CDK15: variants seen among roughly 807,000 people sequenced by gnomAD.
The protein encoded by CDK15 is cyclin dependent kinase 15.
Under a neutral mutation model 60.3 loss-of-function variants are expected in CDK15, and 62 were observed. The observed-to-expected ratio is 1.03, with a 90% CI of 0.84 to 1.27. The LOEUF (loss-of-function observed/expected upper bound fraction) is 1.27, where lower values mean the gene tolerates loss of function less well. Ranked by LOEUF, CDK15 falls within the 50% of genes most tolerant of loss-of-function variation. CDK15 has a pLI of 0.00. For missense variants in CDK15, 541 were observed against 527.8 expected (o/e 1.03, Z -0.25); for synonymous variants, 194 against 195.7 (o/e 0.99, Z 0.07).
At chr2:201,845,262 A>G (rs976815325) in intron 8 of CDK15, among the ~76,000 whole-genome samples, 1 of 152,216 alleles carries the variant, frequency 6.6e-6, no homozygotes, top group Non-Finnish European at 1.5e-5. Flanking sequence ...TCTAAGAACA[A>G]GCCAGTCAGT....
At chr2:201,824,155 T>A (rs1696358337) in intron 6 of CDK15, among the ~76,000 whole-genome samples, 1 of 152,222 alleles carries the variant, frequency 6.6e-6, no homozygotes, top group Non-Finnish European at 1.5e-5. Flanking sequence ...TATGTGGCCC[T>A]AACTCCCATT....
At chr2:201,867,687 TC>T (rs1698688440) in intron 10 of CDK15, among the ~76,000 whole-genome samples, 1 of 151,834 alleles carries the variant, frequency 6.6e-6, no homozygotes, top group Non-Finnish European at 1.5e-5. Flanking sequence ...TCTGGACCCT[TC>T]CCAGGCTAGT....
At chr2:201,834,337 GT>G (rs1283456653) in intron 7 of CDK15, among the ~76,000 whole-genome samples, 3 of 152,086 alleles carry the variant, frequency 2.0e-5, no homozygotes, top group African/African-American at 7.2e-5. Flanking sequence ...TGATAAAGAG[GT>G]TAACCCCAGA....
intron 10 of CDK15, among the ~76,000 whole-genome samples, chr2:201,863,770 C>T (rs1015733742): frequency 3.3e-5 from 5 of 152,128 alleles, no homozygotes; most frequent in Admixed American, 2.6e-4. Flanking sequence ...GTGGCAGGCA[C>T]CTGTAATCCC....
chr2:201,812,191 A>C lies in CDK15; in HGVS notation c.369-292A>C, dbSNP rs574607588. Among the ~76,000 whole-genome samples the C allele has an allele frequency of 1.7e-3, 243 of 146,502 alleles. 1 individual carries two copies. Among genetic ancestry groups the C allele is most frequent in the Non-Finnish European group, 2.7e-3 (179 of 66,736 alleles). On this transcript the variant is annotated intron_variant, in intron 3 of 13. Coordinates refer to ENST00000652192, the MANE Select transcript of CDK15 (RefSeq NM_001366386.2). ...TCTGTCTCAAAAAAAAAAAAAAAAA[A>C]CAAAAAAACAAAAAAACACTACAAT...
rs1491380631 is a variant in CDK15, at chr2:201,894,113, A to ACACC, written c.*847_*848insACCC. Reference sequence around the variant, plus strand: ...CACACACACACACACACACACACACACCCCTCAAGTAAAATGAGAGATCTG... The same window carrying ACACC: ...CACACACACACACACACACACACACACACCCCCCTCAAGTAAAATGAGAGATCTG... On this transcript the variant is annotated 3_prime_UTR_variant, in exon 14 of 14. Transcript: ENST00000652192. 8 of 128,740 alleles carry ACACC rather than the reference A, an allele frequency of 6.2e-5. No homozygotes were observed. Among genetic ancestry groups the ACACC allele is most frequent in the African/African-American group, 2.2e-4 (8 of 35,966 alleles). 8.0% of individuals were successfully genotyped at this position (128,740 alleles called of 1,614,324 possible).
chr2:201,869,500 C>T (rs902754809), intron 10 of CDK15, among the ~76,000 whole-genome samples: 1 of 151,408 alleles, frequency 6.6e-6, no homozygotes, highest in Admixed American at 6.6e-5. Flanking sequence ...GCAGGTTGTG[C>T]ACCTGTACCC....
chr2:201,822,860 TA>T lies in CDK15; in HGVS notation c.502del (p.Ile168SerfsTer7). ...KHANIVLLHD[I>X]IHTKETLTFV... ...GCCAATATTGTGCTCCTGCATGACA[TA>T]ATCCACACCAAAGAGACACTGACAT... On this transcript the variant is annotated frameshift_variant, in exon 5 of 14. Coordinates refer to ENST00000652192, the MANE Select transcript of CDK15 (RefSeq NM_001366386.2). LOFTEE classifies it high-confidence loss of function. The T allele has an allele frequency of 6.2e-7, 1 of 1,613,386 alleles. No individual in the cohort carries two copies. The highest frequency in any genetic ancestry group is 8.5e-7 in the Non-Finnish European group (1 of 1,179,410).
At chr2:201,886,824 G>A (rs576757244) in intron 12 of CDK15, among the ~76,000 whole-genome samples, 12 of 152,136 alleles carry the variant, frequency 7.9e-5, no homozygotes, top group African/African-American at 1.2e-4. Flanking sequence ...ACAAATTACC[G>A]TTAAATTAGT....
intron 12 of CDK15, among the ~76,000 whole-genome samples, chr2:201,887,672 A>G (rs1699502135): frequency 6.6e-6 from 1 of 152,242 alleles, no homozygotes; most frequent in South Asian, 2.1e-4. Context: ...TCCTGGGAGA[A>G]TGAAGGGCAG....
intron 8 of CDK15, among the ~76,000 whole-genome samples, chr2:201,845,206 A>G (rs1292696511): frequency 4.6e-5 from 7 of 152,188 alleles, no homozygotes; most frequent in Non-Finnish European, 8.8e-5. Flanking sequence ...GCTGGAGGAA[A>G]AACCTGCTTG....
intron 12 of CDK15, among the ~76,000 whole-genome samples, chr2:201,886,129 T>G (rs992645374): frequency 6.6e-6 from 1 of 152,182 alleles, no homozygotes; most frequent in Non-Finnish European, 1.5e-5. Flanking sequence ...CTGTGTTTAT[T>G]TTAAAGCTTT....
Position 201,834,002 on chromosome 2 carries a change from T to C in CDK15, c.730+31T>C, listed in dbSNP as rs767862681. The C allele has an allele frequency of 2.8e-5, 45 of 1,608,132 alleles. 1 individual carries two copies. The South Asian group carries it at 4.8e-4, about 17-fold the overall frequency. ...TCGCCCCTCGGGTCTCATTCTGGGCTGTGAACAATGATGCTTTTGTGTGCA... is the reference window on the plus strand; with the variant it reads ...TCGCCCCTCGGGTCTCATTCTGGGCCGTGAACAATGATGCTTTTGTGTGCA... On this transcript the variant is annotated intron_variant, in intron 7 of 13. Coordinates refer to ENST00000652192, the MANE Select transcript of CDK15 (RefSeq NM_001366386.2).
chr2:201,829,868 C>T (rs750238592), intron 6 of CDK15, among the ~76,000 whole-genome samples: 12 of 151,904 alleles, frequency 7.9e-5, no homozygotes, highest in Non-Finnish European at 1.3e-4. Flanking sequence ...AGTGCAGTGG[C>T]GCAAACTCAG....
chr2:201,882,851 C>T lies in CDK15; in HGVS notation c.1198+2684C>T, dbSNP rs145492948. The stretch of plus-strand genomic sequence containing the variant: ...GCACCTTCGTGACAGTGGCTCTCAC[C>T]ACCAGCACATTATCTACTAAGAGAT... On this transcript the variant is annotated intron_variant, in intron 12 of 13. Coordinates refer to ENST00000652192, the MANE Select transcript of CDK15 (RefSeq NM_001366386.2). The surrounding 1 kb of genome is among the most constrained non-coding windows in gnomAD (Gnocchi z 4.0). Among the ~76,000 whole-genome samples the T allele has an allele frequency of 1.4e-3, 210 of 152,342 alleles. 1 individual carries two copies. Among genetic ancestry groups the T allele is most frequent in the African/African-American group, 4.5e-3 (189 of 41,578 alleles).
intron 8 of CDK15, among the ~76,000 whole-genome samples, chr2:201,838,321 A>G (rs1697219750): frequency 6.6e-6 from 1 of 152,290 alleles, no homozygotes; most frequent in Admixed American, 6.5e-5. Flanking sequence ...AACATCCTAC[A>G]GTGCAGAGGA....
intron 6 of CDK15, among the ~76,000 whole-genome samples, chr2:201,826,139 G>A (rs977729668): frequency 5.9e-5 from 9 of 152,270 alleles, no homozygotes; most frequent in Non-Finnish European, 8.8e-5. Flanking sequence ...GATGTGCAAC[G>A]GCATCAAAGA....
intron 4 of CDK15, among the ~76,000 whole-genome samples, chr2:201,813,211 A>C (rs147744214): frequency 6.6e-6 from 1 of 152,346 alleles, no homozygotes; most frequent in Non-Finnish European, 1.5e-5. Flanking sequence ...TATATAAAGC[A>C]CTTATCACAG....
chr2:201,831,655 A>G (rs1696756688), intron 6 of CDK15, among the ~76,000 whole-genome samples: 1 of 152,166 alleles, frequency 6.6e-6, no homozygotes, highest in Non-Finnish European at 1.5e-5. Context: ...CAGAGAGGAA[A>G]GGGGTTGAAT....
Sources: allele counts gnomAD v4.1 joint callset (sites outside exome capture counted in the v4.1 genomes callset), GRCh38; gene constraint gnomAD v4.1.1; non-coding constraint Gnocchi (gnomAD v3.1); transcripts MANE v1.5; gene names NCBI Gene and HGNC (gene_info 2026-07-23, HGNC 2026-07-21).